The following NEMP2 variants were observed in gnomAD, a reference collection of about 807,000 sequenced individuals.
NEMP2 encodes UPF0571 transmembrane protein.
Under a neutral mutation model 54.2 loss-of-function variants are expected in NEMP2, and 53 were observed. That is an observed-to-expected ratio of 0.98 (90% confidence interval 0.78 to 1.23). The LOEUF is 1.23. NEMP2 is among the 50% of genes most tolerant of loss of function. The pLI, the probability that NEMP2 is intolerant of heterozygous loss-of-function variation, is 0.00. For synonymous variants in NEMP2, 197 were observed against 190.3 expected, an observed-to-expected ratio of 1.04 and a Z score of -0.29; for missense variants, 455 against 511.3, an observed-to-expected ratio of 0.89 and a Z score of 1.06.
chr2:190,422,719 A>G, the NEMP2 span, among the ~76,000 whole-genome samples: 1 of 152,144 alleles, frequency 6.6e-6, no homozygotes, highest in African/African-American at 2.4e-5. Flanking sequence ...TAGGTGGGTC[A>G]TTTCACTCAG....
the NEMP2 span, among the ~76,000 whole-genome samples, chr2:190,455,852 A>T: frequency 1.3e-5 from 2 of 151,562 alleles, no homozygotes. Context: ...TAAAAACAGA[A>T]TAGAGCAAAA....
chr2:190,522,103 A>G lies in NEMP2; in HGVS notation c.214-2920T>C, dbSNP rs1191655520. 3.3e-5 allele frequency among the ~76,000 whole-genome samples: 5 copies of G among 152,234 alleles called. No homozygotes were observed. Among genetic ancestry groups the G allele is most frequent in the Non-Finnish European group, 7.3e-5 (5 of 68,044 alleles). On this transcript the variant is annotated intron_variant, in intron 2 of 8. Transcript: ENST00000409150. The surrounding 1 kb of genome is among the most constrained non-coding windows in gnomAD (Gnocchi z 5.0). ...AGAGGGAGGAGGGAAAGTGACACTT[A>G]TCTGAAAATACCTTTGTATAGAGTT...
chr2:190,476,949 T>C, the NEMP2 span, among the ~76,000 whole-genome samples: 24 of 148,598 alleles, frequency 1.6e-4, 1 homozygote, highest in East Asian at 3.6e-3. Flanking sequence ...CAAACTATTG[T>C]AAGGACAAAA....
At chr2:190,586,570 A>T in the NEMP2 span, among the ~76,000 whole-genome samples, 1 of 152,112 alleles carries the variant, frequency 6.6e-6, no homozygotes, top group African/African-American at 2.4e-5. The surrounding 1 kb of genome is among the most constrained non-coding windows in gnomAD (Gnocchi z 4.5). Context: ...TCTAAAACAA[A>T]ACTTTCAGTT....
the NEMP2 span, chr2:190,489,964 CAGGT>C: frequency 9.7e-7 from 1 of 1,028,826 alleles, no homozygotes; most frequent in South Asian, 1.7e-5. This position sits in a 1 kb window ranked among gnomAD's most constrained non-coding sequence, Gnocchi z 6.6. Context: ...GAGTATACAA[CAGGT>C]CTGTTTGGCT....
chr2:190,636,021 A>G, the NEMP2 span, among the ~76,000 whole-genome samples: 2 of 152,172 alleles, frequency 1.3e-5, no homozygotes, highest in African/African-American at 4.8e-5. Flanking sequence ...GTGTGCCATC[A>G]TGCCTGGTTA....
the NEMP2 span, among the ~76,000 whole-genome samples, chr2:190,636,557 A>T: frequency 6.6e-6 from 1 of 152,224 alleles, no homozygotes; most frequent in Non-Finnish European, 1.5e-5. Context: ...GTATGTCGTA[A>T]TGACGGTAGG....
At chr2:190,630,095 A>G in the NEMP2 span, among the ~76,000 whole-genome samples, 1 of 152,242 alleles carries the variant, frequency 6.6e-6, no homozygotes. The surrounding 1 kb of genome is among the most constrained non-coding windows in gnomAD (Gnocchi z 5.5). Flanking sequence ...GGGCCAAAGA[A>G]CAGTAACATT....
the NEMP2 span, among the ~76,000 whole-genome samples, chr2:190,422,613 T>A: frequency 6.6e-6 from 1 of 152,204 alleles, no homozygotes; most frequent in African/African-American, 2.4e-5. Flanking sequence ...AAATATTTTA[T>A]ACTCTGAAAG....
chr2:190,501,612 C>T (rs906824028), downstream of NEMP2: 1 of 152,370 alleles, frequency 6.6e-6, no homozygotes, highest in Admixed American at 6.5e-5. Context: ...CTCACCTTAC[C>T]CTCTGACCCT....
the NEMP2 span, among the ~76,000 whole-genome samples, chr2:190,540,927 G>T: frequency 2.6e-5 from 4 of 151,958 alleles, no homozygotes; most frequent in South Asian, 2.1e-4. Context: ...GTTTGGTGAG[G>T]TTTTTAATTT....
chr2:190,449,209 C>T, the NEMP2 span, among the ~76,000 whole-genome samples: 3 of 152,220 alleles, frequency 2.0e-5, no homozygotes, highest in African/African-American at 7.2e-5. Flanking sequence ...CGCAGTGGCT[C>T]ATGCCTGTAA....
At chr2:190,424,343 A>AT in the NEMP2 span, among the ~76,000 whole-genome samples, 10 of 145,280 alleles carry the variant, frequency 6.9e-5, no homozygotes, top group South Asian at 4.4e-4. The surrounding 1 kb of genome is among the most constrained non-coding windows in gnomAD (Gnocchi z 5.9). Context: ...TTATTTATTT[A>AT]TTTTTTTTTC....
chr2:190,444,139 A>G, the NEMP2 span, among the ~76,000 whole-genome samples: 1 of 152,244 alleles, frequency 6.6e-6, no homozygotes, highest in Admixed American at 6.5e-5. Flanking sequence ...TCAATTTTGT[A>G]GGATATGTGT....
the NEMP2 span, chr2:190,497,471 C>CCCT: frequency 6.2e-7 from 1 of 1,613,936 alleles, no homozygotes; most frequent in African/African-American, 1.3e-5. The surrounding 1 kb of genome is among the most constrained non-coding windows in gnomAD (Gnocchi z 5.2). Flanking sequence ...AATTCCTGTT[C>CCCT]CCTCCAGTCC....
chr2:190,543,351 T>C, the NEMP2 span, among the ~76,000 whole-genome samples: 46 of 152,234 alleles, frequency 3.0e-4, no homozygotes, highest in Non-Finnish European at 5.4e-4. This position sits in a 1 kb window ranked among gnomAD's most constrained non-coding sequence, Gnocchi z 4.7. Context: ...ATGGTTGTCC[T>C]CTCTTTTTGC....
chr2:190,459,412 T>C, the NEMP2 span, among the ~76,000 whole-genome samples: 12 of 152,240 alleles, frequency 7.9e-5, no homozygotes, highest in Admixed American at 3.9e-4. The surrounding 1 kb of genome is among the most constrained non-coding windows in gnomAD (Gnocchi z 5.3). Context: ...CAGGAAATTA[T>C]AGTGTTTGTG....
chr2:190,454,045 T>G, the NEMP2 span: 2 of 152,236 alleles, frequency 1.3e-5, no homozygotes, highest in Non-Finnish European at 2.9e-5. The surrounding 1 kb of genome is among the most constrained non-coding windows in gnomAD (Gnocchi z 4.6). Context: ...CAGTCCTTGT[T>G]TTAGTTTCCT....
At chr2:190,518,883 T>C in intron 3 of NEMP2, 69 bp downstream of exon 3, 1 of 1,515,372 alleles carries the variant, frequency 6.6e-7, no homozygotes. Flanking sequence ...AAGAAAAAAG[T>C]CAATTTATTG....
Sources: allele counts gnomAD v4.1 joint callset (sites outside exome capture counted in the v4.1 genomes callset), GRCh38; gene constraint gnomAD v4.1.1; non-coding constraint Gnocchi (gnomAD v3.1); transcripts MANE v1.5; gene names NCBI Gene and HGNC (gene_info 2026-07-23, HGNC 2026-07-21).